The following WDR7 variants were observed in gnomAD, a reference collection of about 807,000 sequenced individuals.
WDR7 encodes WD repeat domain 7, also known as WD repeat-containing protein 7.
WDR7 carries 46 observed loss-of-function variants against 169.4 expected under a neutral mutation model. That is an observed-to-expected ratio of 0.27 (90% CI 0.21 to 0.35). The LOEUF (loss-of-function observed/expected upper bound fraction) is 0.35. WDR7 is among the 10% of genes least tolerant of loss of function. The pLI is 1.00. For missense variants in WDR7, 1,534 were observed against 1,859.3 expected (o/e 0.83, Z 3.22); for synonymous variants, 612 against 666.8 (o/e 0.92, Z 1.27).
chr18:56,749,969 G>A (rs1043407407), intron 14 of WDR7, among the ~76,000 whole-genome samples: 1 of 151,676 alleles, frequency 6.6e-6, no homozygotes, highest in African/African-American at 2.4e-5. Flanking sequence ...CAGATTCTAA[G>A]TTATTGCTTT....
intron 19 of WDR7, among the ~76,000 whole-genome samples, chr18:56,812,687 A>G (rs578049047): frequency 6.6e-6 from 1 of 152,258 alleles, no homozygotes; most frequent in Non-Finnish European, 1.5e-5. Flanking sequence ...CTGGAGTCCA[A>G]AGGCTAGAGA....
chr18:56,942,624 G>T (rs2047049263), intron 25 of WDR7, among the ~76,000 whole-genome samples: 1 of 152,092 alleles, frequency 6.6e-6, no homozygotes. Flanking sequence ...TCTGAGTTTG[G>T]TGATGTTTTT....
rs1329826874 is a variant in WDR7 at position 56,708,048 on chromosome 18, T to TC, written c.1579-9916_1579-9915insC. On this transcript the variant is annotated intron_variant, in intron 12 of 27. Coordinates refer to ENST00000254442, the MANE Select transcript of WDR7 (RefSeq NM_015285.3). ...TTTATTCCTTTTTTTTTTTTTTTTT[T>TC]TCTGAGACAGAGTCTTGCTCTGTCA... Among the ~76,000 whole-genome samples, 453 of 150,750 alleles carry TC rather than the reference T, an allele frequency of 3.0e-3. 2 individuals carry two copies. Among genetic ancestry groups the TC allele is most frequent in the Middle Eastern group, 0.017 (5 of 292 alleles).
intron 22 of WDR7, among the ~76,000 whole-genome samples, chr18:56,926,827 G>A (rs940928965): frequency 2.6e-5 from 4 of 152,196 alleles, no homozygotes; most frequent in African/African-American, 9.7e-5. Flanking sequence ...GATGGAAAAT[G>A]GCCTGTTACA....
chr18:56,714,500 A>G (rs2026150168), intron 12 of WDR7, among the ~76,000 whole-genome samples: 1 of 148,078 alleles, frequency 6.8e-6, no homozygotes, highest in African/African-American at 2.5e-5. Flanking sequence ...GCTAGAGTGC[A>G]ATGGTGCGAT....
chr18:56,866,367 G>A (rs972544704), intron 20 of WDR7, among the ~76,000 whole-genome samples: 7 of 151,734 alleles, frequency 4.6e-5, no homozygotes, highest in Admixed American at 4.6e-4. Context: ...AATCTGGAAA[G>A]TGATTGTAGT....
intron 19 of WDR7, among the ~76,000 whole-genome samples, chr18:56,795,235 C>T (rs192221118): frequency 1.3e-5 from 2 of 152,112 alleles, no homozygotes; most frequent in Non-Finnish European, 2.9e-5. Context: ...TTTGATAAGA[C>T]CCTGGTAATC....
chr18:56,950,239 T>G (rs935032339), intron 25 of WDR7, among the ~76,000 whole-genome samples: 10 of 152,216 alleles, frequency 6.6e-5, no homozygotes, highest in Non-Finnish European at 1.2e-4. Flanking sequence ...GGGTTGAAAT[T>G]TAATTGATTA....
At chr18:56,819,321 A>G (rs1232758092) in intron 20 of WDR7, among the ~76,000 whole-genome samples, 1 of 152,190 alleles carries the variant, frequency 6.6e-6, no homozygotes, top group Non-Finnish European at 1.5e-5. Context: ...GAGGAAAAAA[A>G]TTGGGTCTTG....
intron 22 of WDR7, 97 bp downstream of exon 22, chr18:56,924,205 T>C: frequency 1.5e-6 from 2 of 1,334,992 alleles, no homozygotes; most frequent in East Asian, 2.6e-5. Context: ...ATTGTGCATG[T>C]TTAATAGATA....
rs1019381243 is a variant in WDR7 at position 56,737,493 on chromosome 18, G to A, written c.1989+5896G>A. 1.6e-4 allele frequency among the ~76,000 whole-genome samples: 25 copies of A among 152,142 alleles called. 1 individual carries two copies. Among genetic ancestry groups the A allele is most frequent in the Non-Finnish European group, 4.4e-5 (3 of 68,022 alleles). ...CACCTTATTTATAGGGGAAAATGAT[G>A]AGGTTGAGGAAGTGGAAAAATGACC... On this transcript the variant is annotated intron_variant, in intron 14 of 27. Coordinates refer to ENST00000254442, the MANE Select transcript of WDR7 (RefSeq NM_015285.3).
intron 25 of WDR7, among the ~76,000 whole-genome samples, chr18:56,960,990 A>T (rs1467455427): frequency 6.6e-6 from 1 of 152,134 alleles, no homozygotes; most frequent in Non-Finnish European, 1.5e-5. Context: ...GTTAAAAAAA[A>T]AAAATGAGCA....
intron 25 of WDR7, among the ~76,000 whole-genome samples, chr18:56,953,395 G>A (rs564895602): frequency 6.6e-6 from 1 of 152,152 alleles, no homozygotes; most frequent in African/African-American, 2.4e-5. Context: ...GCTAATCTTA[G>A]TACCCAATTC....
intron 21 of WDR7, among the ~76,000 whole-genome samples, chr18:56,923,538 A>G (rs1226149905): frequency 6.6e-6 from 1 of 152,224 alleles, no homozygotes; most frequent in Non-Finnish European, 1.5e-5. Context: ...TTACATATGA[A>G]CTGTGTTAGA....
intron 20 of WDR7, among the ~76,000 whole-genome samples, chr18:56,870,197 GTTTTT>G (rs891239514): frequency 1.3e-5 from 2 of 152,058 alleles, no homozygotes; most frequent in African/African-American, 4.8e-5. Context: ...ATTTTTGTTT[GTTTTT>G]AAGATTTTTT....
chr18:56,677,160 A>G (rs2025262064), intron 2 of WDR7, among the ~76,000 whole-genome samples: 1 of 152,086 alleles, frequency 6.6e-6, no homozygotes, highest in African/African-American at 2.4e-5. Context: ...TTCTTGTAGG[A>G]TAGGTCTAGG....
At chr18:56,889,028 T>C (rs892397994) in intron 21 of WDR7, among the ~76,000 whole-genome samples, 1 of 152,116 alleles carries the variant, frequency 6.6e-6, no homozygotes, top group Non-Finnish European at 1.5e-5. Flanking sequence ...CAGTCAGTCA[T>C]TGGATTGGAA....
chr18:56,707,059 G>A (rs896312342), intron 12 of WDR7, among the ~76,000 whole-genome samples: 7 of 151,170 alleles, frequency 4.6e-5, no homozygotes, highest in African/African-American at 1.5e-4. Flanking sequence ...TCAGTTCACT[G>A]CAACCTCCAT....
At chr18:56,671,216 A>G (rs1440625760) in intron 1 of WDR7, among the ~76,000 whole-genome samples, 1 of 152,124 alleles carries the variant, frequency 6.6e-6, no homozygotes, top group Non-Finnish European at 1.5e-5. Context: ...AGTTTACAAC[A>G]AAAGACTTTC....
Sources: allele counts gnomAD v4.1 joint callset (sites outside exome capture counted in the v4.1 genomes callset), GRCh38; gene constraint gnomAD v4.1.1; transcripts MANE v1.5; gene names NCBI Gene and HGNC (gene_info 2026-07-23, HGNC 2026-07-21).